Variants in CFAP43 observed in about 807,000 individuals in gnomAD.
The protein encoded by CFAP43 is cilia and flagella associated protein 43.
A neutral mutation model predicts 218.9 loss-of-function variants in CFAP43; 155 were observed. The observed-to-expected ratio is 0.71, with a 90% CI of 0.62 to 0.81. The LOEUF is 0.81. CFAP43 is among the 30% of genes least tolerant of loss of function. The pLI is 0.00. For synonymous variants in CFAP43, 645 were observed against 681.3 expected, an observed-to-expected ratio of 0.95 and a Z score of 0.83; for missense variants, 1,778 against 1,954.3, an observed-to-expected ratio of 0.91 and a Z score of 1.70.
intron 3 of CFAP43, among the ~76,000 whole-genome samples, chr10:104,217,152 T>G (rs1356855856): frequency 1.3e-5 from 2 of 152,152 alleles, no homozygotes; most frequent in Non-Finnish European, 2.9e-5. Context: ...TTTCTCCCTC[T>G]GAGTAACAGA....
chr10:104,168,585 A>G (rs1170051558), intron 21 of CFAP43, among the ~76,000 whole-genome samples, 159 bp downstream of exon 21: 3 of 152,236 alleles, frequency 2.0e-5, no homozygotes, highest in Non-Finnish European at 4.4e-5. Context: ...AGGAACCAAG[A>G]GACAGGGACA....
In CFAP43 at chr10:104,214,282, G is replaced by A. The variant is rs1212288955; in HGVS notation, c.561C>T (p.Asn187=). 1.9e-6 allele frequency: 3 copies of A among 1,596,356 alleles called. No homozygotes were observed. Among genetic ancestry groups the A allele is most frequent in the African/African-American group, 1.3e-5 (1 of 74,298 alleles). ...TVSVWTIERS[N]QEHCFRARSV... is the part of the protein sequence containing the mutation. The stretch of plus-strand genomic sequence containing the variant: ...ACCTTGCTCTGAAACAATGCTCCTG[G>A]TTACTTCTTTCAATGGTCCACACGC... The change falls in exon 4 of 38, where the codon AAC becomes AAT. Residue 187 remains asparagine (N), a synonymous_variant. Transcript: ENST00000357060.
chr10:104,141,636 T>A (rs1263063252), intron 33 of CFAP43, among the ~76,000 whole-genome samples: 1 of 152,056 alleles, frequency 6.6e-6, no homozygotes, highest in Non-Finnish European at 1.5e-5. Flanking sequence ...ATAAATAAAA[T>A]AACTCTATTA....
chr10:104,193,487 C>G (rs1046032049), intron 11 of CFAP43: 1 of 162,224 alleles, frequency 6.2e-6, no homozygotes, highest in African/African-American at 2.4e-5. Flanking sequence ...TTATCTTCCT[C>G]ACCTGTCAAA....
chr10:104,162,215 C>T, intron 25 of CFAP43, 102 bp downstream of exon 25: 1 of 1,298,438 alleles, frequency 7.7e-7, no homozygotes. Context: ...CAAGTGACCT[C>T]TGACCACGAC....
At chr10:104,187,917 T>C (rs893656506) in intron 13 of CFAP43, among the ~76,000 whole-genome samples, 1 of 152,246 alleles carries the variant, frequency 6.6e-6, no homozygotes, top group Admixed American at 6.5e-5. Flanking sequence ...TCCAGAAAAC[T>C]GTCTTTATAA....
At chr10:104,184,944 C>T (rs1589729463) in intron 16 of CFAP43, 72 bp downstream of exon 16, 2 of 1,559,230 alleles carry the variant, frequency 1.3e-6, no homozygotes, top group East Asian at 4.6e-5. Flanking sequence ...CCTTGCTGTA[C>T]TTAAATAATA....
At chr10:104,162,543 G>A (rs1415283564) in intron 24 of CFAP43, 140 bp from the exon 25 acceptor site, 15 of 694,254 alleles carry the variant, frequency 2.2e-5, no homozygotes, top group Non-Finnish European at 7.6e-6. Flanking sequence ...TTTCTGTTTT[G>A]GAATAAGATG....
At chr10:104,185,819 T>A (rs979931292) in intron 15 of CFAP43, among the ~76,000 whole-genome samples, 155 bp downstream of exon 15, 1 of 152,236 alleles carries the variant, frequency 6.6e-6, no homozygotes, top group Non-Finnish European at 1.5e-5. Context: ...TCCCATGACC[T>A]AATACTTCCA....
intron 8 of CFAP43, among the ~76,000 whole-genome samples, chr10:104,198,474 T>A (rs1179730974): frequency 6.6e-6 from 1 of 150,438 alleles, no homozygotes; most frequent in Non-Finnish European, 1.5e-5. Context: ...AGAGACAGGG[T>A]TTCAACATGT....
chr10:104,192,504 T>C (rs2090259931), intron 11 of CFAP43: 11 of 518,396 alleles, frequency 2.1e-5, no homozygotes, highest in Middle Eastern at 4.9e-4. Context: ...TATTTCCAAA[T>C]TGCAACTTTA....
rs543326536 is a variant in CFAP43, at chr10:104,132,215, A to G, written c.4597-19T>C. 1 of 1,513,502 alleles carries G rather than the reference A, an allele frequency of 6.6e-7. No individual in the cohort carries two copies. The highest frequency in any genetic ancestry group is 1.4e-5 in the African/African-American group (1 of 71,548). 93.8% of individuals were successfully genotyped at this position (1,513,502 alleles called of 1,614,324 possible). On this transcript the variant is annotated intron_variant, in intron 35 of 37. Coordinates refer to ENST00000357060, the MANE Select transcript of CFAP43 (RefSeq NM_025145.7). ...TTAGGTACTTTGAGATTAAAAAAAAACATGTAAGGATATTTTTCTCTCTTT... is the reference window on the plus strand; with the variant it reads ...TTAGGTACTTTGAGATTAAAAAAAAGCATGTAAGGATATTTTTCTCTCTTT...
chr10:104,148,581 A>G (rs562055790), intron 28 of CFAP43, among the ~76,000 whole-genome samples: 1 of 152,174 alleles, frequency 6.6e-6, no homozygotes, highest in South Asian at 2.1e-4. Context: ...TTTATACTCT[A>G]TTAGTTCCCC....
At chr10:104,150,374 G>A (rs940266669) in intron 28 of CFAP43, among the ~76,000 whole-genome samples, 2 of 152,144 alleles carry the variant, frequency 1.3e-5, no homozygotes, top group Admixed American at 6.6e-5. Context: ...CAAGGCTACA[G>A]GTCTTGCTGG....
chr10:104,230,872 A>T, intron 1 of CFAP43, 29 bp from the exon 2 acceptor site: 1 of 1,554,226 alleles, frequency 6.4e-7, no homozygotes, highest in Non-Finnish European at 8.6e-7. Context: ...CAACATCAAT[A>T]TAATACATTT....
chr10:104,131,016 A>G (rs967221150), intron 37 of CFAP43, among the ~76,000 whole-genome samples: 57 of 151,044 alleles, frequency 3.8e-4, no homozygotes, highest in African/African-American at 1.2e-3. Flanking sequence ...AAAAAAAAAA[A>G]AAAAAGAAAA....
At chr10:104,198,761 C>T (rs1468311065) in intron 8 of CFAP43, among the ~76,000 whole-genome samples, 1 of 152,048 alleles carries the variant, frequency 6.6e-6, no homozygotes, top group Non-Finnish European at 1.5e-5. Context: ...AGAGATTCTC[C>T]TGCCTCAGCC....
At chr10:104,203,124 A>G (rs780190593) in intron 8 of CFAP43, among the ~76,000 whole-genome samples, 11 of 152,144 alleles carry the variant, frequency 7.2e-5, no homozygotes, top group Non-Finnish European at 1.5e-4. Context: ...CTCAGTTCTC[A>G]TTTAAGTGGG....
chr10:104,183,641 A>G (rs934735159), intron 16 of CFAP43, among the ~76,000 whole-genome samples: 34 of 152,266 alleles, frequency 2.2e-4, no homozygotes, highest in African/African-American at 4.1e-4. Flanking sequence ...CACCCGCCTC[A>G]GCCTCCCAAA....
Sources: gnomAD v4.1 joint callset for allele counts (sites outside exome capture counted in the v4.1 genomes callset) on GRCh38, gnomAD v4.1.1 for gene constraint, MANE v1.5 for transcripts, NCBI Gene and HGNC (gene_info 2026-07-23, HGNC 2026-07-21) for gene names.